Variants in PDLIM1 observed in about 807,000 individuals in gnomAD.
PDLIM1 encodes PDZ and LIM domain protein 1.
A neutral mutation model predicts 35.2 loss-of-function variants in PDLIM1; 25 were observed. The ratio of observed to expected loss-of-function variants is 0.71; its 90% CI spans 0.52 to 0.99. PDLIM1 has a LOEUF of 0.99. PDLIM1 is among the 50% of genes least tolerant of loss of function. The probability of loss-of-function intolerance (pLI) is 0.00; values close to 1 mark genes in which losing one functional copy is unlikely to be tolerated. For missense variants in PDLIM1, 363 were observed against 415.3 expected, an observed-to-expected ratio of 0.87 and a Z score of 1.09; for synonymous variants, 152 against 154.0, an observed-to-expected ratio of 0.99 and a Z score of 0.10.
intron 4 of PDLIM1, among the ~76,000 whole-genome samples, chr10:95,253,246 A>T (rs1363997254): frequency 6.6e-6 from 1 of 152,210 alleles, no homozygotes; most frequent in Non-Finnish European, 1.5e-5. Context: ...AAAGAAAAAA[A>T]ACTGCCAGCC....
chr10:95,263,488 A>G (rs2133425973), intron 4 of PDLIM1, among the ~76,000 whole-genome samples: 1 of 151,440 alleles, frequency 6.6e-6, no homozygotes, highest in Non-Finnish European at 1.5e-5. Flanking sequence ...TCCCTCAAAC[A>G]CTCCCCGACT....
intron 2 of PDLIM1, among the ~76,000 whole-genome samples, chr10:95,269,858 C>G (rs1202400654): frequency 8.5e-5 from 13 of 152,118 alleles, no homozygotes; most frequent in Non-Finnish European, 1.8e-4. Flanking sequence ...AGCCCAGTCT[C>G]CCGAGTAGCT....
rs1243193742 is a variant in PDLIM1, at chr10:95,290,752, G to C, written c.96+68C>G. ...CGACTCCGTCCCCGACCGCGCCCGC[G>C]GGGCCCCAGTCTCCGCATATCACCT... On this transcript the variant is annotated intron_variant, in intron 1 of 6. Transcript: ENST00000329399. This position sits in a 1 kb window ranked among gnomAD's most constrained non-coding sequence, Gnocchi z 4.7. 7 of 1,148,508 alleles carry C rather than the reference G, an allele frequency of 6.1e-6. No individual in the cohort carries two copies. In the African/African-American group the frequency reaches 6.4e-5, roughly 11 times the overall value. The allele number at this position is 1,148,508 out of a possible 1,614,324, so 71.1% of individuals were successfully genotyped here.
At chr10:95,287,491 C>A (rs2035612815) in intron 1 of PDLIM1, among the ~76,000 whole-genome samples, 1 of 152,158 alleles carries the variant, frequency 6.6e-6, no homozygotes, top group South Asian at 2.1e-4. Context: ...GACAAATGAG[C>A]AACTCCTCCA....
intron 1 of PDLIM1, among the ~76,000 whole-genome samples, chr10:95,287,293 T>C (rs1205285121): frequency 1.3e-5 from 2 of 152,200 alleles, no homozygotes; most frequent in Admixed American, 6.5e-5. Context: ...AGACAAACCC[T>C]TCTCTTTCAA....
At chr10:95,252,349 T>C (rs571206531) in intron 4 of PDLIM1, among the ~76,000 whole-genome samples, 29 of 152,208 alleles carry the variant, frequency 1.9e-4, no homozygotes, top group African/African-American at 6.7e-4. Context: ...AGGTGTGACA[T>C]AGGCAGAGTG....
chr10:95,239,017 G>GACCAATGGAAC (rs45613733), intron 5 of PDLIM1, among the ~76,000 whole-genome samples: 1 of 152,002 alleles, frequency 6.6e-6, no homozygotes, highest in Middle Eastern at 3.4e-3. Flanking sequence ...TAGAAGAACA[G>GACCAATGGAAC]AGAACAGAGA....
At chr10:95,272,150 C>T (rs1225900561) in intron 1 of PDLIM1, among the ~76,000 whole-genome samples, 1 of 152,118 alleles carries the variant, frequency 6.6e-6, no homozygotes, top group African/African-American at 2.4e-5. Flanking sequence ...CCGAACAGAT[C>T]TGATGTCCTT....
In PDLIM1 at chr10:95,279,988, T is replaced by A. The variant is rs566823961; in HGVS notation, c.97-8204A>T. Among the ~76,000 whole-genome samples the A allele has an allele frequency of 3.3e-5, 5 of 152,354 alleles. No homozygotes were observed. In the South Asian group the frequency reaches 8.3e-4, roughly 25 times the overall value. ...CCAAGTTCTTAAAAGTTGCATTTTT[T>A]AAAATGTTCTTTTACATATATAACA... On this transcript the variant is annotated intron_variant, in intron 1 of 6. Coordinates refer to ENST00000329399, the MANE Select transcript of PDLIM1 (RefSeq NM_020992.4).
chr10:95,251,740 C>T (rs962824361), intron 4 of PDLIM1, among the ~76,000 whole-genome samples: 6 of 152,184 alleles, frequency 3.9e-5, no homozygotes, highest in African/African-American at 1.4e-4. Context: ...ATGAGGTAGA[C>T]ATATTTTTCC....
intron 1 of PDLIM1, among the ~76,000 whole-genome samples, chr10:95,287,732 A>AC (rs2035615230): frequency 6.6e-6 from 1 of 152,110 alleles, no homozygotes; most frequent in Non-Finnish European, 1.5e-5. Context: ...ACTGACAGAA[A>AC]AAAATATCAG....
intron 5 of PDLIM1, among the ~76,000 whole-genome samples, chr10:95,244,380 C>A (rs1230519667): frequency 6.6e-6 from 1 of 152,210 alleles, no homozygotes; most frequent in African/African-American, 2.4e-5. Context: ...TAAACAATCC[C>A]ATGAGGTCCT....
At chr10:95,261,999 A>T (rs1287725034) in intron 4 of PDLIM1, among the ~76,000 whole-genome samples, 1 of 143,706 alleles carries the variant, frequency 7.0e-6, no homozygotes, top group Non-Finnish European at 1.5e-5. Context: ...CAAGAGTGAA[A>T]CTCCGTCTCA....
chr10:95,249,053 C>A, intron 4 of PDLIM1, among the ~76,000 whole-genome samples: 1 of 152,242 alleles, frequency 6.6e-6, no homozygotes, highest in East Asian at 1.9e-4. Flanking sequence ...GAAAGTAAGC[C>A]CCAGGAGGGC....
intron 1 of PDLIM1, chr10:95,272,961 G>T (rs904301195): frequency 6.6e-6 from 1 of 152,088 alleles, no homozygotes; most frequent in African/African-American, 2.4e-5. Flanking sequence ...CTACACTGAT[G>T]TACAACCATT....
intron 1 of PDLIM1, among the ~76,000 whole-genome samples, chr10:95,274,853 G>A (rs4917683): frequency 0.44 from 66,147 of 151,936 alleles, 15,166 homozygotes; most frequent in Middle Eastern, 0.51. Context: ...TCATTCCTGG[G>A]CATCAGCAAA....
intron 5 of PDLIM1, among the ~76,000 whole-genome samples, chr10:95,242,708 G>C (rs1167987110): frequency 6.6e-6 from 1 of 151,722 alleles, no homozygotes; most frequent in Non-Finnish European, 1.5e-5. Context: ...TGCCCTCAAA[G>C]CAGTGCCTCC....
At chr10:95,254,584 CAACTAGACAGATA>C (rs1384692282) in intron 4 of PDLIM1, among the ~76,000 whole-genome samples, 1 of 152,104 alleles carries the variant, frequency 6.6e-6, no homozygotes, top group Admixed American at 6.6e-5. Context: ...ACTGATAGAT[CAACTAGACAGATA>C]ATCAGAGAGG....
chr10:95,276,359 G>A (rs2035511560), intron 1 of PDLIM1, among the ~76,000 whole-genome samples: 1 of 151,772 alleles, frequency 6.6e-6, no homozygotes, highest in African/African-American at 2.4e-5. Flanking sequence ...GACCTGGAGT[G>A]TCACAAAGTC....
Sources: gnomAD v4.1 joint callset for allele counts (sites outside exome capture counted in the v4.1 genomes callset) on GRCh38, gnomAD v4.1.1 for gene constraint, Gnocchi (gnomAD v3.1) non-coding constraint, MANE v1.5 for transcripts, NCBI Gene and HGNC (gene_info 2026-07-23, HGNC 2026-07-21) for gene names.